ECHDC3: variants seen among roughly 807,000 people sequenced by gnomAD.
The protein encoded by ECHDC3 is enoyl-CoA hydratase domain-containing protein 3, mitochondrial.
Under a neutral mutation model 17.9 loss-of-function variants are expected in ECHDC3, and 20 were observed. The observed-to-expected ratio is 1.12, with a 90% confidence interval of 0.79 to 1.63. The LOEUF is 1.63. ECHDC3 is among the 40% of genes most tolerant of loss of function. ECHDC3 has a pLI of 0.00. For missense variants in ECHDC3, 407 were observed against 357.7 expected (o/e 1.14, Z -1.11); for synonymous variants, 177 against 149.7 (o/e 1.18, Z -1.33).
chr10:11,756,708 C>T (rs540590943), intron 4 of ECHDC3, among the ~76,000 whole-genome samples: 27 of 151,868 alleles, frequency 1.8e-4, no homozygotes, highest in Non-Finnish European at 2.5e-4. Context: ...AGGATGTTTT[C>T]GATTCTGTCA....
At chr10:11,762,559 G>A (rs1832965795) in intron 4 of ECHDC3, among the ~76,000 whole-genome samples, 2 of 152,220 alleles carry the variant, frequency 1.3e-5, no homozygotes, top group Admixed American at 6.5e-5. Flanking sequence ...AGCACGCAGT[G>A]GTTGTGAAGC....
At chr10:11,747,516 A>T in intron 2 of ECHDC3, 46 bp downstream of exon 2, 1 of 1,596,026 alleles carries the variant, frequency 6.3e-7, no homozygotes, top group South Asian at 1.1e-5. Context: ...TGCCCACAAG[A>T]GCTTTCTGAG....
At chr10:11,756,134 A>G (rs1832884563) in intron 4 of ECHDC3, among the ~76,000 whole-genome samples, 2 of 152,242 alleles carry the variant, frequency 1.3e-5, no homozygotes, top group South Asian at 4.1e-4. Context: ...CAACGGTTGC[A>G]TTTCAGGAAC....
intron 4 of ECHDC3, among the ~76,000 whole-genome samples, chr10:11,760,010 A>T (rs3750691): frequency 1.3e-5 from 2 of 152,038 alleles, no homozygotes; most frequent in Admixed American, 6.5e-5. Context: ...CATCTGGCTC[A>T]GCCAGGTCCC....
chr10:11,745,750 A>G (rs957541103), intron 1 of ECHDC3, among the ~76,000 whole-genome samples: 1 of 152,250 alleles, frequency 6.6e-6, no homozygotes. Flanking sequence ...TAGGAAACAT[A>G]TAAAATATAT....
At chr10:11,746,129 A>AT (rs1376178101) in intron 1 of ECHDC3, among the ~76,000 whole-genome samples, 1 of 152,122 alleles carries the variant, frequency 6.6e-6, no homozygotes, top group African/African-American at 2.4e-5. Flanking sequence ...AGAATTTGAG[A>AT]CCAGCCTGGC....
intron 1 of ECHDC3, among the ~76,000 whole-genome samples, chr10:11,743,709 T>C (rs1450550114): frequency 6.6e-6 from 1 of 152,218 alleles, no homozygotes; most frequent in African/African-American, 2.4e-5. Flanking sequence ...TTCCCTTCCC[T>C]GTGGACCCCT....
intron 4 of ECHDC3, among the ~76,000 whole-genome samples, chr10:11,757,550 T>C (rs988278529): frequency 1.3e-5 from 2 of 151,638 alleles, no homozygotes; most frequent in African/African-American, 2.4e-5. Context: ...AGGTTCCTGG[T>C]CTCTGTTCTC....
Position 11,742,444 on chromosome 10 carries a change from G to C in ECHDC3, c.-133G>C, listed in dbSNP as rs1171340390. The C allele has an allele frequency of 1.1e-6, 1 of 938,032 alleles. No individual in the cohort carries two copies. The highest frequency in any genetic ancestry group is 1.4e-6 in the Non-Finnish European group (1 of 727,038). 58.1% of individuals were successfully genotyped at this position (938,032 alleles called of 1,614,324 possible). A position where few individuals can be genotyped will look rare whatever the true frequency, so the allele number is the denominator to read the frequency against. On this transcript the variant is annotated 5_prime_UTR_variant, in exon 1 of 5. Transcript: ENST00000379215. ...AAGCCTGGGCCTGTCAGGCGGTTCC[G>C]TCCGGGTCTCGGCCACCGTCGAGTT...
At chr10:11,747,518 CTT>C in intron 2 of ECHDC3, 48 bp downstream of exon 2, 1 of 1,591,990 alleles carries the variant, frequency 6.3e-7, no homozygotes, top group Non-Finnish European at 8.5e-7. Flanking sequence ...CCCACAAGAG[CTT>C]TCTGAGTCTT....
chr10:11,747,366 A>G lies in ECHDC3; in HGVS notation c.188A>G (p.Asn63Ser), dbSNP rs34889349. 874 of 1,613,932 alleles carry G rather than the reference A, an allele frequency of 5.4e-4. 5 individuals carry two copies. The African/African-American group carries it at 0.01, about 19-fold the overall frequency. ...LDGIRNIVLS[N>S]PKKRNALSLA... ...CTTCACAGGAACATCGTCTTGAGCAATCCCAAGAAGAGGAACGCGTTGTCA... is the reference window on the plus strand; with the variant it reads ...CTTCACAGGAACATCGTCTTGAGCAGTCCCAAGAAGAGGAACGCGTTGTCA... Residue 63 changes from asparagine to serine, a missense_variant, in exon 2 of 5, where the codon AAT (asparagine) becomes AGT (serine). Asn to Ser is a conservative substitution (Grantham distance 46). Transcript: ENST00000379215.
In ECHDC3 at chr10:11,745,747, CATATAAA is replaced by C. The variant is rs547697868; in HGVS notation, c.171-1596_171-1590del. Among the ~76,000 whole-genome samples the C allele has an allele frequency of 2.0e-5, 3 of 152,292 alleles. No homozygotes were observed. The East Asian group carries it at 5.8e-4, about 29-fold the overall frequency. On this transcript the variant is annotated intron_variant, in intron 1 of 4. Transcript: ENST00000379215. ...CCTGTAGGTGAAAACTGATAGGAAA[CATATAAA>C]ATATATAATAACAATCTGGTGTTTG...
At chr10:11,754,906 G>A (rs767526084) in intron 3 of ECHDC3, among the ~76,000 whole-genome samples, 3 of 152,192 alleles carry the variant, frequency 2.0e-5, no homozygotes, top group Non-Finnish European at 2.9e-5. Context: ...TACAGTGCCT[G>A]GTTCAGAGTA....
At chr10:11,760,335 C>T (rs574445995) in intron 4 of ECHDC3, among the ~76,000 whole-genome samples, 1 of 152,334 alleles carries the variant, frequency 6.6e-6, no homozygotes, top group South Asian at 2.1e-4. Flanking sequence ...AAGGACTCAA[C>T]CCCAAAACAT....
intron 4 of ECHDC3, among the ~76,000 whole-genome samples, chr10:11,759,381 A>AC (rs1491583206): frequency 3.9e-5 from 4 of 103,196 alleles, no homozygotes; most frequent in Non-Finnish European, 9.1e-5. Flanking sequence ...CAAAAAAAAA[A>AC]AACACGCAGT....
chr10:11,753,250 GT>G (rs1832847060), intron 3 of ECHDC3, among the ~76,000 whole-genome samples: 1 of 151,932 alleles, frequency 6.6e-6, no homozygotes, highest in Non-Finnish European at 1.5e-5. Flanking sequence ...GGGTATGGTG[GT>G]GTACACTTGT....
chr10:11,763,940 G>A lies in ECHDC3; in HGVS notation c.*396G>A. 3 of 1,000,958 alleles carry A rather than the reference G, an allele frequency of 3.0e-6. No individual in the cohort carries two copies. The highest frequency in any genetic ancestry group is 3.6e-6 in the Non-Finnish European group (3 of 840,740). 62.0% of individuals were successfully genotyped at this position (1,000,958 alleles called of 1,614,324 possible). On this transcript the variant is annotated 3_prime_UTR_variant, in exon 5 of 5. Transcript: ENST00000379215. The surrounding 1 kb of genome is among the most constrained non-coding windows in gnomAD (Gnocchi z 4.9). ...CAGAGTTAATCCTGGCTGCTCAGGAGAGGCGACACATTTCAAATCTCCACG... is the reference window on the plus strand; with the variant it reads ...CAGAGTTAATCCTGGCTGCTCAGGAAAGGCGACACATTTCAAATCTCCACG...
At chr10:11,761,314 AGTGGAGG>A (rs1832948317) in intron 4 of ECHDC3, among the ~76,000 whole-genome samples, 1 of 152,172 alleles carries the variant, frequency 6.6e-6, no homozygotes, top group Non-Finnish European at 1.5e-5. Context: ...ATAACTAGAG[AGTGGAGG>A]TCAAGGATGC....
At chr10:11,760,798 T>C (rs1246813885) in intron 4 of ECHDC3, among the ~76,000 whole-genome samples, 1 of 152,210 alleles carries the variant, frequency 6.6e-6, no homozygotes, top group Non-Finnish European at 1.5e-5. Context: ...TGCTGTGACC[T>C]GCTAGGTGTC....
Sources: allele counts gnomAD v4.1 joint callset (sites outside exome capture counted in the v4.1 genomes callset), GRCh38; gene constraint gnomAD v4.1.1; non-coding constraint Gnocchi (gnomAD v3.1); transcripts MANE v1.5; gene names NCBI Gene and HGNC (gene_info 2026-07-23, HGNC 2026-07-21).